Variants in CDK6 observed in about 807,000 individuals in gnomAD.
The protein encoded by CDK6 is cyclin dependent kinase 6.
CDK6 carries 6 observed loss-of-function variants against 37.1 expected under a neutral mutation model. The ratio of observed to expected loss-of-function variants is 0.16; its 90% CI spans 0.09 to 0.32. The LOEUF is 0.32. CDK6 is among the 10% of genes least tolerant of loss of function. CDK6 has a pLI of 1.00. For synonymous variants in CDK6, 160 were observed against 161.3 expected, an observed-to-expected ratio of 0.99 and a Z score of 0.06; for missense variants, 224 against 418.9, an observed-to-expected ratio of 0.53 and a Z score of 4.06.
At chr7:92,827,887 G>A (rs954827177) in intron 2 of CDK6, among the ~76,000 whole-genome samples, 1 of 152,082 alleles carries the variant, frequency 6.6e-6, no homozygotes, top group African/African-American at 2.4e-5. Flanking sequence ...TTCCTCAGAA[G>A]GCATGGAAAA....
intron 5 of CDK6, among the ~76,000 whole-genome samples, chr7:92,665,780 T>C (rs1445805403): frequency 1.3e-5 from 2 of 152,210 alleles, no homozygotes; most frequent in Admixed American, 1.3e-4. Context: ...GAAAAAAATA[T>C]GGCCTAGTAG....
intron 4 of CDK6, among the ~76,000 whole-genome samples, chr7:92,672,874 C>T (rs1797123056): frequency 6.6e-6 from 1 of 152,200 alleles, no homozygotes; most frequent in African/African-American, 2.4e-5. Context: ...TAAATGGCGG[C>T]TGCCATCAAT....
At chr7:92,811,430 A>T (rs561585769) in intron 2 of CDK6, among the ~76,000 whole-genome samples, 3 of 152,190 alleles carry the variant, frequency 2.0e-5, no homozygotes, top group Admixed American at 2.0e-4. Context: ...AAATGAAAAG[A>T]TTCTTTCTTG....
intron 3 of CDK6, 62 bp downstream of exon 3, chr7:92,774,634 C>A (rs1012013067): frequency 7.2e-7 from 1 of 1,380,178 alleles, no homozygotes; most frequent in South Asian, 1.5e-5. Flanking sequence ...GGAAAGAAAG[C>A]CATTGCTTAA....
intron 4 of CDK6, among the ~76,000 whole-genome samples, chr7:92,688,130 T>C (rs1318407310): frequency 1.3e-5 from 2 of 152,184 alleles, no homozygotes; most frequent in African/African-American, 2.4e-5. Context: ...TGCATTTCTC[T>C]TGGGTATATA....
intron 3 of CDK6, among the ~76,000 whole-genome samples, chr7:92,762,866 C>G (rs145176462): frequency 1.3e-5 from 2 of 152,136 alleles, no homozygotes; most frequent in South Asian, 4.1e-4. Flanking sequence ...CCACCGCGCC[C>G]GGCCTAGAAC....
intron 4 of CDK6, among the ~76,000 whole-genome samples, chr7:92,709,581 A>G (rs1048861690): frequency 2.6e-5 from 4 of 152,196 alleles, no homozygotes; most frequent in African/African-American, 9.7e-5. Flanking sequence ...TATGTATTTT[A>G]TTTATGCATC....
chr7:92,720,858 A>G (rs1204347648), intron 4 of CDK6, among the ~76,000 whole-genome samples: 1 of 152,206 alleles, frequency 6.6e-6, no homozygotes, highest in African/African-American at 2.4e-5. Flanking sequence ...TAGTCACAAC[A>G]GTCATTGTAC....
intron 2 of CDK6, among the ~76,000 whole-genome samples, chr7:92,803,148 T>C (rs1800627712): frequency 6.6e-6 from 1 of 152,180 alleles, no homozygotes; most frequent in African/African-American, 2.4e-5. Flanking sequence ...TTTAAAGAAA[T>C]AGGCTATCTT....
intron 3 of CDK6, among the ~76,000 whole-genome samples, chr7:92,727,667 G>C (rs1287611655): frequency 2.0e-5 from 3 of 152,130 alleles, no homozygotes; most frequent in East Asian, 3.9e-4. Context: ...AGCACTTAGA[G>C]GGGGTATGCA....
intron 4 of CDK6, among the ~76,000 whole-genome samples, chr7:92,709,031 C>T (rs1027616547): frequency 2.0e-5 from 3 of 151,154 alleles, no homozygotes; most frequent in African/African-American, 7.3e-5. Context: ...AAGTAAATTT[C>T]ATATCAGATT....
In CDK6 at chr7:92,833,364, C is replaced by A; in HGVS notation, c.-41G>T. 6.9e-7 allele frequency: 1 copy of A among 1,439,384 alleles called. No individual in the cohort carries two copies. Among genetic ancestry groups the A allele is most frequent in the Middle Eastern group, 2.0e-4 (1 of 5,002 alleles). 89.2% of individuals were successfully genotyped at this position (1,439,384 alleles called of 1,614,324 possible). ...CCCGCCGCGGCGCCGCTGGGGCGGG[C>A]GGGGGGTGCGCTCAACTAGCTGGCG... On this transcript the variant is annotated 5_prime_UTR_variant, in exon 2 of 8. Transcript: ENST00000424848. This position sits in a 1 kb window ranked among gnomAD's most constrained non-coding sequence, Gnocchi z 6.1.
intron 2 of CDK6, among the ~76,000 whole-genome samples, chr7:92,781,350 T>C (rs1313687947): frequency 6.6e-6 from 1 of 152,236 alleles, no homozygotes; most frequent in African/African-American, 2.4e-5. Flanking sequence ...AGTGATGTAA[T>C]TATCTAATAA....
At chr7:92,755,892 A>G (rs1799305807) in intron 3 of CDK6, among the ~76,000 whole-genome samples, 1 of 152,074 alleles carries the variant, frequency 6.6e-6, no homozygotes, top group Admixed American at 6.6e-5. Context: ...TAAAAATTCT[A>G]TGCATGGGTA....
chr7:92,822,786 C>T (rs1266108172), intron 2 of CDK6, among the ~76,000 whole-genome samples: 1 of 152,088 alleles, frequency 6.6e-6, no homozygotes, highest in Admixed American at 6.6e-5. Context: ...GAATGATAAT[C>T]TGAGTTTACT....
At chr7:92,758,231 G>A (rs1300099860) in intron 3 of CDK6, among the ~76,000 whole-genome samples, 2 of 152,166 alleles carry the variant, frequency 1.3e-5, no homozygotes, top group Non-Finnish European at 2.9e-5. Context: ...GGATGGTATT[G>A]CCTAGGCTGT....
At chr7:92,620,091 A>G (rs1249245114) in intron 6 of CDK6, among the ~76,000 whole-genome samples, 1 of 152,184 alleles carries the variant, frequency 6.6e-6, no homozygotes, top group Non-Finnish European at 1.5e-5. Context: ...GATTATATTA[A>G]TAACTCCTAG....
At chr7:92,664,579 G>A (rs1406086165) in intron 5 of CDK6, among the ~76,000 whole-genome samples, 2 of 152,138 alleles carry the variant, frequency 1.3e-5, no homozygotes, top group East Asian at 1.9e-4. Context: ...AGCCTAGAGA[G>A]GCCACCAGAC....
chr7:92,655,869 G>C lies in CDK6; in HGVS notation c.647+15557C>G, dbSNP rs556315545. 2.0e-5 allele frequency among the ~76,000 whole-genome samples: 3 copies of C among 152,358 alleles called. No homozygotes were observed. In the East Asian group the frequency reaches 5.8e-4, roughly 29 times the overall value. ...TCTTTTTCCTGTTATAAAAGTGCAT[G>C]TATGTGCATTTGCACATACACACAC... is the stretch of plus-strand genomic sequence containing the variant. On this transcript the variant is annotated intron_variant, in intron 5 of 7. Transcript: ENST00000424848.
Sources: allele counts gnomAD v4.1 joint callset (sites outside exome capture counted in the v4.1 genomes callset), GRCh38; gene constraint gnomAD v4.1.1; non-coding constraint Gnocchi (gnomAD v3.1); transcripts MANE v1.5; gene names NCBI Gene and HGNC (gene_info 2026-07-23, HGNC 2026-07-21).